Variants in NCAM2 observed in about 807,000 individuals in gnomAD.
The protein encoded by NCAM2 is neural cell adhesion molecule 2, also known as N-CAM-2.
In NCAM2, 30 loss-of-function variants were observed where a neutral mutation model predicts 98.1. The observed-to-expected ratio is 0.31, with a 90% CI of 0.23 to 0.41. NCAM2 has a LOEUF of 0.41. NCAM2 is among the 10% of genes least tolerant of loss of function. The probability of loss-of-function intolerance (pLI) is 1.00; values close to 1 mark genes in which losing one functional copy is unlikely to be tolerated. For synonymous variants in NCAM2, 368 were observed against 342.4 expected (o/e 1.07, Z -0.83); for missense variants, 867 against 1,005.8 (o/e 0.86, Z 1.87).
chr21:21,466,741 T>C lies in NCAM2; in HGVS notation c.1774+16T>C. 6.3e-7 allele frequency: 1 copy of C among 1,586,404 alleles called. No homozygotes were observed. Among genetic ancestry groups the C allele is most frequent in the Middle Eastern group, 1.7e-4 (1 of 5,970 alleles). On this transcript the variant is annotated intron_variant, in intron 13 of 17. Transcript: ENST00000400546. The stretch of plus-strand genomic sequence containing the variant: ...TTACCAGTTCGTAAGTAATCATCTC[T>C]ATTTTTTATTCTCTTTTGTCATTTT...
chr21:21,006,321 A>G (rs1300976447), intron 1 of NCAM2, among the ~76,000 whole-genome samples: 1 of 152,132 alleles, frequency 6.6e-6, no homozygotes, highest in Non-Finnish European at 1.5e-5. Context: ...AGCCTGGGCA[A>G]CATGGCAAAT....
At chr21:21,454,934 A>G (rs934428084) in intron 12 of NCAM2, among the ~76,000 whole-genome samples, 28 of 151,990 alleles carry the variant, frequency 1.8e-4, no homozygotes, top group African/African-American at 6.5e-4. Context: ...TAGTACCATT[A>G]TTTGCATTCT....
chr21:21,061,768 G>C (rs1306387641), intron 1 of NCAM2, among the ~76,000 whole-genome samples: 1 of 151,994 alleles, frequency 6.6e-6, no homozygotes, highest in Non-Finnish European at 1.5e-5. Flanking sequence ...ATCCTTTATA[G>C]GGGCTTTTAC....
Position 21,079,068 on chromosome 21 carries a change from C to T in NCAM2, c.55+80450C>T, listed in dbSNP as rs901071937. ...GGTAAGGGAAGGGAGAGCATCAGGA[C>T]AAATAGCTAATACATGCAGGGCTTA... On this transcript the variant is annotated intron_variant, in intron 1 of 17. Transcript: ENST00000400546. 5.9e-4 allele frequency among the ~76,000 whole-genome samples: 89 copies of T among 151,994 alleles called. 2 individuals carry two copies. The highest frequency in any genetic ancestry group is 2.0e-4 in the Admixed American group (3 of 15,238).
chr21:21,456,274 C>A (rs953844106), intron 12 of NCAM2, among the ~76,000 whole-genome samples: 2 of 152,082 alleles, frequency 1.3e-5, no homozygotes, highest in African/African-American at 4.8e-5. Flanking sequence ...AACAAAGTGG[C>A]TGGTACATGC....
intron 11 of NCAM2, among the ~76,000 whole-genome samples, chr21:21,423,828 G>A (rs536644110): frequency 6.6e-6 from 1 of 152,074 alleles, no homozygotes; most frequent in East Asian, 1.9e-4. Flanking sequence ...ATATCATGAA[G>A]CACTCATCTG....
chr21:21,174,093 G>GT (rs1474673708), intron 1 of NCAM2, among the ~76,000 whole-genome samples: 50 of 152,164 alleles, frequency 3.3e-4, no homozygotes, highest in African/African-American at 1.2e-3. Flanking sequence ...CCTAATTTTT[G>GT]TATTTTAGTA....
intron 1 of NCAM2, among the ~76,000 whole-genome samples, chr21:21,157,440 T>C (rs2146753085): frequency 6.6e-6 from 1 of 152,256 alleles, no homozygotes; most frequent in East Asian, 1.9e-4. Context: ...TTTTTACAGA[T>C]TATTTTGGAA....
chr21:21,126,751 A>G (rs531403758), intron 1 of NCAM2, among the ~76,000 whole-genome samples: 6 of 152,192 alleles, frequency 3.9e-5, no homozygotes, highest in African/African-American at 1.2e-4. Flanking sequence ...CAAATAAAAT[A>G]TCAGTGTGTT....
At chr21:21,072,989 A>G (rs2065604337) in intron 1 of NCAM2, among the ~76,000 whole-genome samples, 1 of 143,108 alleles carries the variant, frequency 7.0e-6, no homozygotes, top group South Asian at 2.2e-4. Flanking sequence ...ATTCCCTCCT[A>G]CCTCCAGTCC....
At chr21:21,163,780 C>T (rs1222655827) in intron 1 of NCAM2, among the ~76,000 whole-genome samples, 1 of 152,108 alleles carries the variant, frequency 6.6e-6, no homozygotes, top group Non-Finnish European at 1.5e-5. Context: ...TGCTATTTTT[C>T]AGATAAACAA....
Position 21,280,659 on chromosome 21 carries a change from A to G in NCAM2, c.130+7A>G, listed in dbSNP as rs201290832. 6 of 1,498,764 alleles carry G rather than the reference A, an allele frequency of 4.0e-6. No homozygotes were observed. Among genetic ancestry groups the G allele is most frequent in the Non-Finnish European group, 9.0e-7 (1 of 1,105,156 alleles). 92.8% of individuals were successfully genotyped at this position (1,498,764 alleles called of 1,614,324 possible). On this transcript the variant is annotated splice_region_variant and intron_variant, in intron 2 of 17. Transcript: ENST00000400546. ...AAATTCTTCACATGTACAGGTACGT[A>G]TTTCTGTAAATACCTTCAGATAACG... is the stretch of plus-strand genomic sequence containing the variant.
chr21:21,455,531 C>G (rs932905202), intron 12 of NCAM2, among the ~76,000 whole-genome samples: 5 of 151,642 alleles, frequency 3.3e-5, no homozygotes, highest in Non-Finnish European at 7.4e-5. Context: ...GAATTACTGT[C>G]CTAATAATTT....
chr21:21,210,463 G>A (rs2069607872), intron 1 of NCAM2: 2 of 1,168,772 alleles, frequency 1.7e-6, no homozygotes, highest in East Asian at 6.0e-5. Flanking sequence ...CATATTTACT[G>A]TAAGAATTCT....
intron 1 of NCAM2, among the ~76,000 whole-genome samples, chr21:21,105,740 A>C (rs896068942): frequency 1.3e-5 from 2 of 152,108 alleles, no homozygotes; most frequent in Non-Finnish European, 2.9e-5. Context: ...TAAGACACTA[A>C]ATTGATATAG....
intron 15 of NCAM2, among the ~76,000 whole-genome samples, chr21:21,481,517 G>A (rs888949461): frequency 1.3e-5 from 2 of 152,196 alleles, no homozygotes; most frequent in Non-Finnish European, 2.9e-5. Context: ...GCAGAGAATT[G>A]TATGTGAGGT....
At position 21,265,039 on chromosome 21, in the gene NCAM2, G is replaced by GTGTCTGTGTATATATATA. The variant is rs1568855457; in HGVS notation, c.56-15538_56-15537insGTCTGTGTATATATATAT. On this transcript the variant is annotated intron_variant, in intron 1 of 17. Coordinates refer to ENST00000400546, the MANE Select transcript of NCAM2 (RefSeq NM_004540.5). ...ATTATATATGTGTCTGTGTATATATGTACACATATATACTATATATGTGTA... is the reference window on the plus strand; with the variant it reads ...ATTATATATGTGTCTGTGTATATATGTGTCTGTGTATATATATATACACATATATACTATATATGTGTA... 2.2e-4 allele frequency among the ~76,000 whole-genome samples: 10 copies of GTGTCTGTGTATATATATA among 44,806 alleles called. 1 individual carries two copies. Among genetic ancestry groups the GTGTCTGTGTATATATATA allele is most frequent in the Non-Finnish European group, 4.3e-4 (9 of 20,876 alleles). 29.4% of individuals were successfully genotyped at this position (44,806 alleles called of 152,430 possible).
chr21:21,331,985 C>T (rs993421115), intron 6 of NCAM2, among the ~76,000 whole-genome samples: 4 of 151,934 alleles, frequency 2.6e-5, no homozygotes, highest in African/African-American at 9.7e-5. Context: ...TCACTGCAAC[C>T]TCCACCTCCC....
chr21:21,283,226 C>G (rs1194108773), intron 2 of NCAM2, among the ~76,000 whole-genome samples: 1 of 151,896 alleles, frequency 6.6e-6, no homozygotes, highest in Admixed American at 6.6e-5. Context: ...TAATTTGTTT[C>G]TAAAACCATT....
Sources: allele counts gnomAD v4.1 joint callset (sites outside exome capture counted in the v4.1 genomes callset), GRCh38; gene constraint gnomAD v4.1.1; transcripts MANE v1.5; gene names NCBI Gene and HGNC (gene_info 2026-07-23, HGNC 2026-07-21).